SLC4A4: variants seen among roughly 807,000 people sequenced by gnomAD.
The protein encoded by SLC4A4 is electrogenic sodium bicarbonate cotransporter 1.
SLC4A4 carries 27 observed loss-of-function variants against 111.5 expected under a neutral mutation model. The ratio of observed to expected loss-of-function variants is 0.24; its 90% CI spans 0.18 to 0.33. The LOEUF is 0.33. SLC4A4 is among the 10% of genes least tolerant of loss of function. The pLI, the probability that SLC4A4 is intolerant of heterozygous loss-of-function variation, is 1.00. For missense variants in SLC4A4, 909 were observed against 1,315.5 expected (o/e 0.69, Z 4.78); for synonymous variants, 443 against 463.4 (o/e 0.96, Z 0.57).
chr4:71,319,338 A>G (rs935510992), intron 3 of SLC4A4, among the ~76,000 whole-genome samples: 3 of 151,948 alleles, frequency 2.0e-5, no homozygotes, highest in Non-Finnish European at 4.4e-5. Context: ...GGAGTTGGTT[A>G]TATGCCTTTA....
chr4:71,155,330 A>G lies in SLC4A4; in HGVS notation c.-2+62538A>G, dbSNP rs189319377. Among the ~76,000 whole-genome samples, 1,420 of 152,302 alleles carry G rather than the reference A, an allele frequency of 9.3e-3. 17 individuals are homozygous for G. Among genetic ancestry groups the G allele is most frequent in the Non-Finnish European group, 0.013 (894 of 68,022 alleles). ...TTGAATTAAGGTATCTCCATTTCAG[A>G]CTGCAAAAAAAGTGCTTAATTATTA... On this transcript the variant is annotated intron_variant, in intron 2 of 26. Transcript: ENST00000649996.
chr4:71,085,678 C>T lies in SLC4A4; in HGVS notation c.-64-7052C>T, dbSNP rs547916520. Among the ~76,000 whole-genome samples, 636 of 152,132 alleles carry T rather than the reference C, an allele frequency of 4.2e-3. 5 individuals carry two copies. The highest frequency in any genetic ancestry group is 7.2e-3 in the Non-Finnish European group (491 of 68,018). Reference sequence around the variant, plus strand: ...TAAATAGGGAATCCTTTCCCCATTGCTTGTTTTTGTCAGGTTTGTCAAAGA... The same window carrying T: ...TAAATAGGGAATCCTTTCCCCATTGTTTGTTTTTGTCAGGTTTGTCAAAGA... On this transcript the variant is annotated intron_variant, in intron 1 of 26. Transcript: ENST00000649996.
chr4:71,413,546 A>G (rs1162010531), intron 7 of SLC4A4, among the ~76,000 whole-genome samples: 1 of 152,212 alleles, frequency 6.6e-6, no homozygotes, highest in Admixed American at 6.5e-5. Flanking sequence ...TGATGTGCTA[A>G]GTGAAAAGTA....
intron 22 of SLC4A4, among the ~76,000 whole-genome samples, chr4:71,558,227 A>C (rs1736645478): frequency 6.6e-6 from 1 of 152,008 alleles, no homozygotes; most frequent in South Asian, 2.1e-4. Flanking sequence ...GACACATAGT[A>C]GACACCAGTG....
chr4:71,142,797 G>A (rs1287140999), intron 2 of SLC4A4, among the ~76,000 whole-genome samples: 1 of 105,026 alleles, frequency 9.5e-6, no homozygotes, highest in African/African-American at 3.8e-5. Context: ...GCTTTCTACA[G>A]CTTTAATTTG....
intron 7 of SLC4A4, among the ~76,000 whole-genome samples, chr4:71,404,613 G>T (rs989447496): frequency 2.6e-5 from 4 of 152,002 alleles, no homozygotes; most frequent in Non-Finnish European, 5.9e-5. Flanking sequence ...ATCTTTGATG[G>T]ACGTATACTC....
intron 15 of SLC4A4, among the ~76,000 whole-genome samples, chr4:71,491,148 TG>T (rs1307503942): frequency 6.6e-6 from 1 of 151,786 alleles, no homozygotes; most frequent in Non-Finnish European, 1.5e-5. Flanking sequence ...TGTCTTATAA[TG>T]GTATAGACAA....
At chr4:71,134,820 T>G (rs1743801559) in intron 2 of SLC4A4, among the ~76,000 whole-genome samples, 1 of 152,130 alleles carries the variant, frequency 6.6e-6, no homozygotes, top group African/African-American at 2.4e-5. Flanking sequence ...ACTTCTTCAA[T>G]AGGGAAAGGG....
At chr4:71,466,966 G>GAGAGAGAGAGAGAGAGAGAGAGAGAGA in intron 13 of SLC4A4, among the ~76,000 whole-genome samples, 2 of 88,478 alleles carry the variant, frequency 2.3e-5, no homozygotes, top group East Asian at 4.3e-4. Flanking sequence ...AGAGAGAGAG[G>GAGAGAGAGAGAGAGAGAGAGAGAGAGA]GAGAGAGAGA....
chr4:71,349,698 T>C (rs546191825), intron 4 of SLC4A4, among the ~76,000 whole-genome samples: 75 of 152,328 alleles, frequency 4.9e-4, no homozygotes, highest in African/African-American at 1.6e-3. Flanking sequence ...TTGGCTTTTT[T>C]CTTCTCTAAC....
At chr4:71,068,061 C>CTTTTTTTTTTTTTT (rs138059694) in intron 1 of SLC4A4, among the ~76,000 whole-genome samples, 1 of 132,374 alleles carries the variant, frequency 7.6e-6, no homozygotes, top group Non-Finnish European at 1.6e-5. Flanking sequence ...TTTGAACAAA[C>CTTTTTTTTTTTTTT]GTTTTTTTTT....
chr4:71,198,008 T>C (rs1435627166), intron 1 of SLC4A4, among the ~76,000 whole-genome samples: 1 of 152,252 alleles, frequency 6.6e-6, no homozygotes, highest in African/African-American at 2.4e-5. Flanking sequence ...ATTGATTACA[T>C]TGAACTAAGA....
chr4:71,262,483 C>T (rs1721932595), intron 3 of SLC4A4, among the ~76,000 whole-genome samples: 1 of 152,160 alleles, frequency 6.6e-6, no homozygotes, highest in African/African-American at 2.4e-5. Flanking sequence ...TCTCCATTTT[C>T]CTGGTTAATA....
At chr4:71,416,702 T>C (rs1327937859) in intron 7 of SLC4A4, among the ~76,000 whole-genome samples, 1 of 151,854 alleles carries the variant, frequency 6.6e-6, no homozygotes, top group Non-Finnish European at 1.5e-5. Context: ...ATTATTATTA[T>C]TATTATTATT....
chr4:71,084,000 GTCTC>G (rs146795435), intron 1 of SLC4A4, among the ~76,000 whole-genome samples: 11 of 148,290 alleles, frequency 7.4e-5, no homozygotes, highest in East Asian at 2.0e-4. Flanking sequence ...GGCTGGAGCT[GTCTC>G]TCTCTCTCTC....
At chr4:71,449,728 A>G (rs563911190) in intron 9 of SLC4A4, among the ~76,000 whole-genome samples, 24 of 152,316 alleles carry the variant, frequency 1.6e-4, no homozygotes, top group Middle Eastern at 3.4e-3. Context: ...GAAAAATGGA[A>G]TGATTGACAG....
In SLC4A4 at chr4:71,440,760, C is replaced by T; in HGVS notation, c.952C>T (p.Pro318Ser). 6.2e-7 allele frequency: 1 copy of T among 1,614,082 alleles called. No homozygotes were observed. The highest frequency in any genetic ancestry group is 8.5e-7 in the Non-Finnish European group (1 of 1,179,992). Residue 318 changes from proline (P) to serine (S), a missense_variant, in exon 8 of 26, where the codon CCT becomes TCT. Around this residue, in one of 7 missense-constraint regions of SLC4A4, gnomAD observed 312 missense variants for 402.0 expected, o/e 0.78. Transcript: ENST00000264485. ...AVMLGALTEVPVPTRFLFILL... is the reference protein window; with the variant it reads ...AVMLGALTEVSVPTRFLFILL... ...CATGCTGGGTGCCCTGACTGAAGTT[C>T]CTGTGCCCACAAGGTAAGCTGCTCT...
chr4:71,386,145 A>G (rs1718697608), intron 6 of SLC4A4, among the ~76,000 whole-genome samples: 2 of 151,942 alleles, frequency 1.3e-5, no homozygotes, highest in African/African-American at 2.4e-5. Flanking sequence ...ATTATCTTCT[A>G]CCATTCTGTT....
intron 16 of SLC4A4, among the ~76,000 whole-genome samples, chr4:71,501,510 TA>T (rs1730920205): frequency 6.6e-6 from 1 of 151,766 alleles, no homozygotes; most frequent in Non-Finnish European, 1.5e-5. Context: ...GAGTTTTTTT[TA>T]TTTCCTTGTT....
Sources: allele counts gnomAD v4.1 joint callset (sites outside exome capture counted in the v4.1 genomes callset), GRCh38; gene constraint gnomAD v4.1.1; regional missense constraint gnomAD v4.1.1; transcripts MANE v1.5; gene names NCBI Gene and HGNC (gene_info 2026-07-23, HGNC 2026-07-21).